MYO5C: variants seen among roughly 807,000 people sequenced by gnomAD.
MYO5C encodes the protein myosin VC.
MYO5C carries 194 observed loss-of-function variants against 235.7 expected under a neutral mutation model. The observed-to-expected ratio is 0.82, with a 90% CI of 0.73 to 0.93. MYO5C has a LOEUF of 0.93. MYO5C is among the 40% of genes least tolerant of loss of function. The pLI is 0.00. For synonymous variants in MYO5C, 707 were observed against 754.8 expected (o/e 0.94, Z 1.04); for missense variants, 2,038 against 2,127.2 (o/e 0.96, Z 0.82).
At position 52,215,087 on chromosome 15, in the gene MYO5C, C is replaced by T. The variant is rs2035524341; in HGVS notation, c.3955-397G>A. Among the ~76,000 whole-genome samples the T allele has an allele frequency of 3.3e-5, 5 of 152,162 alleles. No individual in the cohort carries two copies. In the South Asian group the frequency reaches 1.0e-3, roughly 32 times the overall value. ...TAAGGTTTTCAAAATTCATCCATGTCGTAGCATGTATCAGCATTTCATATA... is the reference window on the plus strand; with the variant it reads ...TAAGGTTTTCAAAATTCATCCATGTTGTAGCATGTATCAGCATTTCATATA... On this transcript the variant is annotated intron_variant, in intron 32 of 40. Transcript: ENST00000261839.
rs757423323 is a variant in MYO5C, at chr15:52,214,695, A to C, written c.3955-5T>G. 2 of 1,572,732 alleles carry C rather than the reference A, an allele frequency of 1.3e-6. No homozygotes were observed. The highest frequency in any genetic ancestry group is 1.9e-5 in the Admixed American group (1 of 51,362). ...GTCTAATTCTTCTTCAAGATCCTAC[A>C]GCAATAAAAAGAAACCAGGATTTAG... is the stretch of plus-strand genomic sequence containing the variant. On this transcript the variant is annotated splice_polypyrimidine_tract_variant and splice_region_variant and intron_variant, in intron 32 of 40. Coordinates refer to ENST00000261839, the MANE Select transcript of MYO5C (RefSeq NM_018728.4).
Position 52,193,763 on chromosome 15 carries a change from A to G in MYO5C, c.*139T>C. 2.4e-6 allele frequency: 2 copies of G among 820,636 alleles called. No homozygotes were observed. Among genetic ancestry groups the G allele is most frequent in the Non-Finnish European group, 3.8e-6 (2 of 524,404 alleles). 50.8% of individuals were successfully genotyped at this position (820,636 alleles called of 1,614,324 possible). A position where few individuals can be genotyped will look rare whatever the true frequency, so the allele number is the denominator to read the frequency against. On this transcript the variant is annotated 3_prime_UTR_variant, in exon 41 of 41. Transcript: ENST00000261839. ...GCAGCATTGTCACTGTGAGTGAGAG[A>G]TGATGTGGTCCATTTGAGAAAAGTC...
intron 24 of MYO5C, among the ~76,000 whole-genome samples, chr15:52,232,215 A>C (rs1484448715): frequency 1.5e-5 from 1 of 67,562 alleles, no homozygotes; most frequent in Admixed American, 1.6e-4. Flanking sequence ...AGGAAAAGAA[A>C]GAAAATGAAA....
intron 1 of MYO5C, among the ~76,000 whole-genome samples, chr15:52,284,367 C>G (rs1300311114): frequency 2.7e-5 from 4 of 147,210 alleles, no homozygotes; most frequent in Non-Finnish European, 6.0e-5. Context: ...TGAGTCCCTT[C>G]AAATCAAGTT....
intron 15 of MYO5C, among the ~76,000 whole-genome samples, chr15:52,247,257 G>A (rs964108969): frequency 2.6e-5 from 4 of 152,200 alleles, no homozygotes; most frequent in African/African-American, 9.7e-5. Flanking sequence ...TTGTGCAAGA[G>A]CGTGGTTTGC....
chr15:52,247,660 C>T (rs943926884), intron 14 of MYO5C, 68 bp from the exon 15 acceptor site: 17 of 1,554,114 alleles, frequency 1.1e-5, no homozygotes, highest in South Asian at 4.8e-5. Context: ...ATACAAGCCA[C>T]GTAAATGGTG....
At chr15:52,197,233 CCAAAATATCCAT>C (rs1342439688) in intron 38 of MYO5C, among the ~76,000 whole-genome samples, 1 of 152,156 alleles carries the variant, frequency 6.6e-6, no homozygotes, top group Non-Finnish European at 1.5e-5. Flanking sequence ...TGAAAACAAC[CCAAAATATCCAT>C]CAACTGATGA....
rs529096758 is a variant in MYO5C at position 52,239,895 on chromosome 15, T to C, written c.2557-16A>G. Reference sequence around the variant, plus strand: ...CCTCCAGCATCTTTAAAACAAGATTTTGTGAAACATAAACTGGATCCCAAG... The same window carrying C: ...CCTCCAGCATCTTTAAAACAAGATTCTGTGAAACATAAACTGGATCCCAAG... On this transcript the variant is annotated splice_polypyrimidine_tract_variant and intron_variant, in intron 20 of 40. Transcript: ENST00000261839. 2.6e-5 allele frequency: 42 copies of C among 1,598,132 alleles called. No homozygotes were observed. In the South Asian group the frequency reaches 4.6e-4, roughly 18 times the overall value.
chr15:52,196,886 G>A (rs2035064902), intron 38 of MYO5C, among the ~76,000 whole-genome samples: 1 of 152,204 alleles, frequency 6.6e-6, no homozygotes, highest in South Asian at 2.1e-4. Flanking sequence ...GTCGACTGCA[G>A]TTTTTATTCT....
At chr15:52,214,856 C>G (rs1466990840) in intron 32 of MYO5C, among the ~76,000 whole-genome samples, 166 bp from the exon 33 acceptor site, 1 of 151,788 alleles carries the variant, frequency 6.6e-6, no homozygotes, top group Non-Finnish European at 1.5e-5. Context: ...GTGCTACAAT[C>G]ATCATTATTT....
intron 38 of MYO5C, 39 bp downstream of exon 38, chr15:52,204,826 G>A (rs2035266527): frequency 2.5e-6 from 4 of 1,600,008 alleles, no homozygotes; most frequent in Non-Finnish European, 3.4e-6. Context: ...CATCCTTTCT[G>A]CAGGCCTCTC....
intron 19 of MYO5C, among the ~76,000 whole-genome samples, chr15:52,244,055 C>T (rs1459738713): frequency 2.0e-5 from 3 of 152,182 alleles, no homozygotes; most frequent in East Asian, 1.9e-4. Flanking sequence ...AAAGGGGCCC[C>T]GGGCCTCTCC....
intron 38 of MYO5C, among the ~76,000 whole-genome samples, chr15:52,204,007 A>G (rs559362397): frequency 7.9e-5 from 12 of 152,308 alleles, no homozygotes; most frequent in Admixed American, 5.9e-4. Context: ...CAGGTATCAA[A>G]TTTCTGCACA....
At chr15:52,239,112 C>T (rs1386839664) in intron 21 of MYO5C, among the ~76,000 whole-genome samples, 2 of 152,102 alleles carry the variant, frequency 1.3e-5, no homozygotes, top group African/African-American at 2.4e-5. Flanking sequence ...TCACCACGCC[C>T]GGCTAATTTT....
chr15:52,283,179 C>T (rs1010753292), intron 1 of MYO5C, among the ~76,000 whole-genome samples: 1 of 152,142 alleles, frequency 6.6e-6, no homozygotes, highest in Non-Finnish European at 1.5e-5. Flanking sequence ...GGAAACATCT[C>T]ACGGCTGTCT....
chr15:52,236,118 G>T (rs1251647724), intron 22 of MYO5C, among the ~76,000 whole-genome samples: 2 of 152,246 alleles, frequency 1.3e-5, no homozygotes, highest in African/African-American at 4.8e-5. Flanking sequence ...TTACACAGTT[G>T]ATGGCGTAAA....
chr15:52,246,130 G>C (rs931951600), intron 16 of MYO5C, 88 bp from the exon 17 acceptor site: 2 of 1,002,020 alleles, frequency 2.0e-6, no homozygotes, highest in African/African-American at 3.2e-5. Flanking sequence ...GCTAGACTGT[G>C]ACCCTATGCC....
intron 19 of MYO5C, chr15:52,242,593 G>C (rs1366218918): frequency 5.9e-6 from 1 of 170,660 alleles, no homozygotes; most frequent in African/African-American, 2.4e-5. Flanking sequence ...GCCTTAAATA[G>C]TTATCATCTC....
At chr15:52,248,101 T>A (rs1448451001) in intron 14 of MYO5C, among the ~76,000 whole-genome samples, 1 of 152,240 alleles carries the variant, frequency 6.6e-6, no homozygotes, top group East Asian at 1.9e-4. Context: ...GTTATTTCTT[T>A]AAATGTCTTA....
Sources: allele counts gnomAD v4.1 joint callset (sites outside exome capture counted in the v4.1 genomes callset), GRCh38; gene constraint gnomAD v4.1.1; transcripts MANE v1.5; gene names NCBI Gene and HGNC (gene_info 2026-07-23, HGNC 2026-07-21).